NELFB: variants seen among roughly 807,000 people sequenced by gnomAD.
NELFB encodes the protein negative elongation factor B.
A neutral mutation model predicts 60.2 loss-of-function variants in NELFB; 34 were observed. The ratio of observed to expected loss-of-function variants is 0.56; its 90% CI spans 0.43 to 0.75. NELFB has a LOEUF of 0.75. Ranked by LOEUF, NELFB falls within the 30% of genes least tolerant of loss-of-function variation. The probability of loss-of-function intolerance (pLI) is 0.00; values close to 1 mark genes in which losing one functional copy is unlikely to be tolerated. For synonymous variants in NELFB, 459 were observed against 382.1 expected, an observed-to-expected ratio of 1.20 and a Z score of -2.35; for missense variants, 770 against 831.6, an observed-to-expected ratio of 0.93 and a Z score of 0.91.
chr9:137,267,457 G>C (rs9802698), intron 10 of NELFB, 111 bp downstream of exon 10: 1 of 757,124 alleles, frequency 1.3e-6, no homozygotes, highest in Non-Finnish European at 2.1e-6. Flanking sequence ...TGTCTCCCCA[G>C]CCCACCTCCA....
At position 137,269,383 on chromosome 9, in the gene NELFB, C is replaced by T. The variant is rs1218696284; in HGVS notation, c.1489+2037C>T. 6.6e-6 allele frequency among the ~76,000 whole-genome samples: 1 copy of T among 152,098 alleles called. No individual in the cohort carries two copies. The highest frequency in any genetic ancestry group is 6.5e-5 in the Admixed American group (1 of 15,276). On this transcript the variant is annotated intron_variant, in intron 10 of 12. Transcript: ENST00000343053. This position sits in a 1 kb window ranked among gnomAD's most constrained non-coding sequence, Gnocchi z 5.3. ...GAGGCTCTTGAGGGCATTGGGACAT[C>T]GTGCTGCCGGCCGCCGGGCAGAGCC...
Position 137,255,333 on chromosome 9 carries a change from G to C in NELFB, c.-33G>C, listed in dbSNP as rs1232137184. ...GTGCGGGGCGGAAGTGGGCGGCTGC[G>C]GGACGCGCGCGGAGTCGCGCGGCGG... On this transcript the variant is annotated 5_prime_UTR_variant, in exon 1 of 13. Coordinates refer to ENST00000343053, the MANE Select transcript of NELFB (RefSeq NM_015456.5). The C allele has an allele frequency of 2.9e-6, 1 of 347,976 alleles. No homozygotes were observed. The highest frequency in any genetic ancestry group is 4.9e-6 in the Non-Finnish European group (1 of 205,170). 21.6% of individuals were successfully genotyped at this position (347,976 alleles called of 1,614,324 possible).
chr9:137,257,143 G>A (rs953886412), intron 4 of NELFB, 89 bp downstream of exon 4: 36 of 1,146,526 alleles, frequency 3.1e-5, no homozygotes, highest in Middle Eastern at 4.7e-4. Flanking sequence ...GCACTCTGCT[G>A]CCCTGTGAAT....
In NELFB at chr9:137,266,869, A is replaced by C. The variant is rs575221525; in HGVS notation, c.1240-75A>C. ...CTGGGGGAGTGGGAGGGCCAGGGGC[A>C]GGGTGTGTGTCACGTCAGGGTGGGG... is the stretch of plus-strand genomic sequence containing the variant. On this transcript the variant is annotated intron_variant, in intron 8 of 12. Coordinates refer to ENST00000343053, the MANE Select transcript of NELFB (RefSeq NM_015456.5). 66 of 1,396,634 alleles carry C rather than the reference A, an allele frequency of 4.7e-5. 1 individual carries two copies. In the South Asian group the frequency reaches 7.4e-4, roughly 16 times the overall value. The allele number at this position is 1,396,634 out of a possible 1,614,324, so 86.5% of individuals were successfully genotyped here.
chr9:137,260,409 A>ATTTTATTTTATTTTAATTTTATATTTTG (rs1321709413), intron 4 of NELFB, among the ~76,000 whole-genome samples: 14 of 140,366 alleles, frequency 1.0e-4, no homozygotes, highest in South Asian at 4.5e-4. Context: ...TTTTTTATTT[A>ATTTTATTTTATTTTAATTTTATATTTTG]TTTTATTTTA....
At chr9:137,271,146 T>G (rs565330756) in intron 10 of NELFB, among the ~76,000 whole-genome samples, 100 of 152,372 alleles carry the variant, frequency 6.6e-4, no homozygotes, top group African/African-American at 2.3e-3. Flanking sequence ...ATTTGCCCAG[T>G]GGGGCCTTGC....
At chr9:137,263,256 C>T (rs376889264) in intron 5 of NELFB, 34 bp downstream of exon 5, 87 of 1,574,772 alleles carry the variant, frequency 5.5e-5, no homozygotes, top group South Asian at 2.3e-4. Context: ...CCCCTACCCT[C>T]CTGAAGGTAG....
At chr9:137,266,204 G>A in intron 7 of NELFB, 127 bp from the exon 8 acceptor site, 1 of 841,706 alleles carries the variant, frequency 1.2e-6, no homozygotes. Context: ...TGTGGGGCTG[G>A]TGATCGCAGT....
chr9:137,266,216 G>A (rs1010884101), intron 7 of NELFB, 115 bp from the exon 8 acceptor site: 32 of 920,124 alleles, frequency 3.5e-5, no homozygotes, highest in Non-Finnish European at 3.3e-5. Flanking sequence ...GATCGCAGTC[G>A]TGTGGTCCTG....
At chr9:137,266,211 C>T (rs1262286312) in intron 7 of NELFB, 120 bp from the exon 8 acceptor site, 3 of 882,462 alleles carry the variant, frequency 3.4e-6, no homozygotes, top group East Asian at 2.7e-5. Context: ...CTGGTGATCG[C>T]AGTCGTGTGG....
At chr9:137,262,632 C>T (rs1239538386) in intron 4 of NELFB, among the ~76,000 whole-genome samples, 1 of 152,178 alleles carries the variant, frequency 6.6e-6, no homozygotes, top group Non-Finnish European at 1.5e-5. Flanking sequence ...TATACTGGAA[C>T]AGCTCGTGCC....
At chr9:137,267,464 T>A in intron 10 of NELFB, 118 bp downstream of exon 10, 3 of 666,746 alleles carry the variant, frequency 4.5e-6, no homozygotes, top group Non-Finnish European at 7.5e-6. Context: ...CCAGCCCACC[T>A]CCAACTTTGC....
At chr9:137,264,527 G>A (rs1354690538) in intron 6 of NELFB, among the ~76,000 whole-genome samples, 170 bp downstream of exon 6, 2 of 152,218 alleles carry the variant, frequency 1.3e-5, no homozygotes, top group African/African-American at 2.4e-5. Context: ...GTGCAGTGGT[G>A]CAATCTCTGC....
intron 11 of NELFB, 105 bp downstream of exon 11, chr9:137,272,327 G>T (rs889504138): frequency 6.5e-7 from 1 of 1,549,034 alleles, no homozygotes; most frequent in African/African-American, 1.4e-5. Flanking sequence ...GGGTCCGCAG[G>T]TGGGTCTGTT....
chr9:137,255,624 C>G lies in NELFB; in HGVS notation c.246+13C>G, dbSNP rs557003853. 762 of 1,543,560 alleles carry G rather than the reference C, an allele frequency of 4.9e-4. 1 individual carries two copies. Among genetic ancestry groups the G allele is most frequent in the Non-Finnish European group, 1.0e-4 (115 of 1,144,432 alleles). On this transcript the variant is annotated intron_variant, in intron 1 of 12. Transcript: ENST00000343053. ...CGAGCAGTTCCAGGTGGGGCGGCCC[C>G]CGGGGCGGGGGGAGCCCAGTTGGAG...
rs770026748 is a variant in NELFB at position 137,266,376 on chromosome 9, CA to C, written c.1190del (p.Gln397ArgfsTer6). ...GCTGCTCCGGCTGCTGGCGCTGGGC[CA>C]GGGAGCCTGGGACATGATCGACAGC... On this transcript the variant is annotated frameshift_variant, in exon 8 of 13. Transcript: ENST00000343053. LOFTEE classifies it high-confidence loss of function. The C allele has an allele frequency of 6.2e-7, 1 of 1,612,980 alleles. No homozygotes were observed. The highest frequency in any genetic ancestry group is 8.5e-7 in the Non-Finnish European group (1 of 1,179,998).
intron 10 of NELFB, among the ~76,000 whole-genome samples, chr9:137,268,881 A>G (rs576255516): frequency 8.5e-5 from 13 of 152,242 alleles, no homozygotes; most frequent in African/African-American, 2.9e-4. Flanking sequence ...GACAGATGAG[A>G]GACACAGGAC....
rs552744307 is a variant in NELFB, at chr9:137,272,880, G to A, written c.1839G>A (p.Pro613=). The A allele has an allele frequency of 7.8e-5, 120 of 1,547,608 alleles. No homozygotes were observed. The East Asian group carries it at 1.6e-3, about 21-fold the overall frequency. ...GCCCGGCACAGGCTGCGGAGACGCC[G>A]GCCCTGGAGCTGCCCCTCCCCAGCG... Residue 613 remains proline (P), a synonymous_variant, in exon 13 of 13, where the codon CCG becomes CCA. Transcript: ENST00000343053.
rs139131908 is a variant in NELFB, at chr9:137,264,283, C to T, written c.966C>T (p.Phe322=). The T allele has an allele frequency of 1.5e-4, 236 of 1,604,248 alleles. 2 individuals carry two copies. The African/African-American group carries it at 1.9e-3, about 13-fold the overall frequency. ...TGGACGCCTGCATCCGAGAGCGGTT[C>T]GTGGACAGCAAGAGGGCGCGGGAGC... Residue 322 remains phenylalanine (F), a synonymous_variant, in exon 6 of 13, where the codon TTC becomes TTT. Coordinates refer to ENST00000343053, the MANE Select transcript of NELFB (RefSeq NM_015456.5).
Sources: gnomAD v4.1 joint callset for allele counts (sites outside exome capture counted in the v4.1 genomes callset) on GRCh38, gnomAD v4.1.1 for gene constraint, Gnocchi (gnomAD v3.1) non-coding constraint, MANE v1.5 for transcripts, NCBI Gene and HGNC (gene_info 2026-07-23, HGNC 2026-07-21) for gene names.